The following AP3D1 variants were observed in gnomAD, a reference collection of about 807,000 sequenced individuals.
The protein encoded by AP3D1 is adaptor related protein complex 3 subunit delta 1.
Under a neutral mutation model 147.6 loss-of-function variants are expected in AP3D1, and 51 were observed. The ratio of observed to expected loss-of-function variants is 0.35; its 90% CI spans 0.28 to 0.44. The LOEUF is 0.44. Among genes scored for constraint, AP3D1 ranks in the 20% least tolerant of loss-of-function variants. The pLI is 1.00. For synonymous variants in AP3D1, 760 were observed against 663.0 expected, an observed-to-expected ratio of 1.15 and a Z score of -2.25; for missense variants, 1,421 against 1,624.2, an observed-to-expected ratio of 0.87 and a Z score of 2.15.
chr19:2,110,357 C>T, intron 27 of AP3D1, 133 bp from the exon 28 acceptor site: 1 of 767,228 alleles, frequency 1.3e-6, no homozygotes, highest in South Asian at 1.5e-5. Context: ...AAGGGAGCAC[C>T]AGGGGACAGG....
At chr19:2,155,086 C>A (rs1470004169), upstream of AP3D1, among the ~76,000 whole-genome samples, 1 of 152,144 alleles carries the variant, frequency 6.6e-6, no homozygotes, top group East Asian at 1.9e-4. Flanking sequence ...GAGGCTGAGG[C>A]AGGAGAATTG....
intron 31 of AP3D1, among the ~76,000 whole-genome samples, chr19:2,106,078 G>C (rs1287171634): frequency 6.6e-6 from 1 of 152,030 alleles, no homozygotes; most frequent in African/African-American, 2.4e-5. Flanking sequence ...GGGCGACAGA[G>C]CGAGACTCCA....
intron 18 of AP3D1, among the ~76,000 whole-genome samples, 171 bp from the exon 19 acceptor site, chr19:2,115,784 G>A (rs534588469): frequency 6.6e-6 from 1 of 152,254 alleles, no homozygotes; most frequent in Non-Finnish European, 1.5e-5. Context: ...CCGAGGACCC[G>A]ACTCTTTAAG....
chr19:2,145,566 G>A (rs1020598165), intron 1 of AP3D1, among the ~76,000 whole-genome samples: 23 of 152,208 alleles, frequency 1.5e-4, no homozygotes, highest in Non-Finnish European at 2.9e-4. Flanking sequence ...GAACAATCCA[G>A]CCTGATGTCC....
rs186463040 is a variant in AP3D1 at position 2,107,355 on chromosome 19, G to C, written c.3552+1332C>G. Among the ~76,000 whole-genome samples, 3 of 152,106 alleles carry C rather than the reference G, an allele frequency of 2.0e-5. No homozygotes were observed. In the East Asian group the frequency reaches 5.8e-4, roughly 29 times the overall value. On this transcript the variant is annotated intron_variant, in intron 31 of 31. Transcript: ENST00000643116. ...ACATGAGCCAGAAGAAGGCAGAGAAGCGAAAGAAACACGTGCAAACTGGAA... is the reference window on the plus strand; with the variant it reads ...ACATGAGCCAGAAGAAGGCAGAGAACCGAAAGAAACACGTGCAAACTGGAA...
chr19:2,140,231 A>C (rs1039302342), intron 1 of AP3D1, among the ~76,000 whole-genome samples: 2 of 152,176 alleles, frequency 1.3e-5, no homozygotes, highest in Non-Finnish European at 2.9e-5. Flanking sequence ...AGGGGATGTC[A>C]AACGGCGCGG....
rs1342195366 is a variant in AP3D1 at position 2,110,225 on chromosome 19, C to T, written c.3176-1G>A. 6.2e-7 allele frequency: 1 copy of T among 1,611,246 alleles called. No homozygotes were observed. Among genetic ancestry groups the T allele is most frequent in the Non-Finnish European group, 8.5e-7 (1 of 1,179,868 alleles). ...ACATACTGGGCTTCGTTGGAGACGCCTGGCGGGGGCGAGAGGGAGTGGGGC... is the reference window on the plus strand; with the variant it reads ...ACATACTGGGCTTCGTTGGAGACGCTTGGCGGGGGCGAGAGGGAGTGGGGC... On this transcript the variant is annotated splice_acceptor_variant, in intron 27 of 31. Coordinates refer to ENST00000643116, the MANE Select transcript of AP3D1 (RefSeq NM_001261826.3). LOFTEE classifies it high-confidence loss of function.
intron 31 of AP3D1, among the ~76,000 whole-genome samples, chr19:2,105,860 C>A (rs540742817): frequency 6.6e-6 from 1 of 152,146 alleles, no homozygotes; most frequent in Non-Finnish European, 1.5e-5. Context: ...CTTTGGGAGT[C>A]TGAGGCAGGC....
At position 2,132,494 on chromosome 19, in the gene AP3D1, G is replaced by A; in HGVS notation, c.439C>T (p.Leu147=). 7 of 1,608,528 alleles carry A rather than the reference G, an allele frequency of 4.4e-6. No individual in the cohort carries two copies. The highest frequency in any genetic ancestry group is 6.0e-6 in the Non-Finnish European group (7 of 1,175,388). The change falls in exon 5 of 32, where the codon CTG becomes TTG. Residue 147 remains leucine, a synonymous_variant. Transcript: ENST00000643116. ...CFVTPDLARD[L]ANDIMTLMSH... Reference sequence around the variant, plus strand: ...ACCAGTGTCATGATGTCATTTGCCAGGTCTCTGGCAAGGTCTGGGGTGACG... The same window carrying A: ...ACCAGTGTCATGATGTCATTTGCCAAGTCTCTGGCAAGGTCTGGGGTGACG...
upstream of AP3D1, among the ~76,000 whole-genome samples, chr19:2,156,178 C>T (rs2019644079): frequency 6.6e-6 from 1 of 152,154 alleles, no homozygotes; most frequent in Non-Finnish European, 1.5e-5. Flanking sequence ...CAGTGCTAGC[C>T]AGGCTCAAAG....
chr19:2,149,799 G>A (rs921614182), intron 1 of AP3D1, among the ~76,000 whole-genome samples: 3 of 152,196 alleles, frequency 2.0e-5, no homozygotes, highest in Non-Finnish European at 2.9e-5. Flanking sequence ...GAGCAGGGAC[G>A]GGCGCTGGGA....
In AP3D1 at chr19:2,121,231, G is replaced by A. The variant is rs764577136; in HGVS notation, c.1182C>T (p.Asp394=). 40 of 1,614,094 alleles carry A rather than the reference G, an allele frequency of 2.5e-5. No individual in the cohort carries two copies. In the South Asian group the frequency reaches 2.9e-4, roughly 12 times the overall value. ...TGTCAATGATCTTGGTGAGCAGCTCGTCACGGTAGGTGGTACCCTCTGCCT... is the reference window on the plus strand; with the variant it reads ...TGTCAATGATCTTGGTGAGCAGCTCATCACGGTAGGTGGTACCCTCTGCCT... ...VDKAEGTTYR[D]ELLTKIIDIC... Residue 394 remains aspartate, a synonymous_variant, in exon 13 of 32, where the codon GAC becomes GAT. Coordinates refer to ENST00000643116, the MANE Select transcript of AP3D1 (RefSeq NM_001261826.3).
chr19:2,162,315 C>A (rs183016591), intron 1 of AP3D1, among the ~76,000 whole-genome samples: 1 of 147,958 alleles, frequency 6.8e-6, no homozygotes, highest in East Asian at 2.1e-4. Context: ...GGATTACAAG[C>A]GTGAGCCACC....
At chr19:2,124,656 C>G (rs2018702495) in intron 9 of AP3D1, among the ~76,000 whole-genome samples, 1 of 152,144 alleles carries the variant, frequency 6.6e-6, no homozygotes, top group South Asian at 2.1e-4. Flanking sequence ...TAACAATGAT[C>G]TAGGCCAGGC....
rs527429743 is a variant in AP3D1, at chr19:2,159,633, C to A, written c.-103+4723G>T. 1.1e-4 allele frequency among the ~76,000 whole-genome samples: 17 copies of A among 151,602 alleles called. No homozygotes were observed. In the South Asian group the frequency reaches 1.9e-3, roughly 17 times the overall value. On this transcript the variant is annotated intron_variant, in intron 1 of 14. Transcript: ENST00000643010. ...TCGATCTCCTGACCTCATGATCCAC[C>A]CACCTCGGCCTTCCAAAGTGCTGGG... is the stretch of plus-strand genomic sequence containing the variant.
chr19:2,129,229 G>A (rs1357239261), intron 7 of AP3D1, 66 bp from the exon 8 acceptor site: 9 of 1,609,826 alleles, frequency 5.6e-6, no homozygotes, highest in Non-Finnish European at 6.8e-6. Flanking sequence ...GGACAGGGGG[G>A]GCCTCGGTCA....
At chr19:2,138,926 G>A (rs1044833840) in intron 1 of AP3D1, among the ~76,000 whole-genome samples, 5 of 151,954 alleles carry the variant, frequency 3.3e-5, no homozygotes, top group Non-Finnish European at 5.9e-5. Context: ...TGGGCGTGGT[G>A]GCGGGCGCCT....
chr19:2,108,842 T>C, intron 30 of AP3D1, 76 bp from the exon 31 acceptor site: 1 of 1,474,634 alleles, frequency 6.8e-7, no homozygotes, highest in Non-Finnish European at 9.2e-7. Context: ...AGGGGCCACC[T>C]TCTTGGGCTG....
chr19:2,158,563 C>T (rs1429463767), intron 1 of AP3D1, among the ~76,000 whole-genome samples: 1 of 151,848 alleles, frequency 6.6e-6, no homozygotes, highest in African/African-American at 2.4e-5. Context: ...CCACCTTGGC[C>T]TCCCAAAGTG....
Sources: gnomAD v4.1 joint callset for allele counts (sites outside exome capture counted in the v4.1 genomes callset) on GRCh38, gnomAD v4.1.1 for gene constraint, MANE v1.5 for transcripts, NCBI Gene and HGNC (gene_info 2026-07-23, HGNC 2026-07-21) for gene names.